PLBD1: variants seen among roughly 807,000 people sequenced by gnomAD.
PLBD1 encodes the protein lysosomal leucine aminopeptidase.
In PLBD1, 60 loss-of-function variants were observed where a neutral mutation model predicts 63.0. The observed-to-expected ratio is 0.95, with a 90% CI of 0.77 to 1.18. The LOEUF is 1.18. Among genes scored for constraint, PLBD1 ranks in the 50% most tolerant of loss-of-function variants. The pLI is 0.00. For missense variants in PLBD1, 598 were observed against 677.9 expected (o/e 0.88, Z 1.31); for synonymous variants, 262 against 248.0 (o/e 1.06, Z -0.53).
chr12:14,540,643 TA>T (rs1945564483), intron 4 of PLBD1, 120 bp downstream of exon 4: 13 of 1,112,338 alleles, frequency 1.2e-5, no homozygotes, highest in Non-Finnish European at 1.5e-5. Flanking sequence ...TTCTTTTCCG[TA>T]AGGAATTTAT....
chr12:14,511,343 CTG>C lies in PLBD1; in HGVS notation c.1101_1102del (p.His367GlnfsTer3). On this transcript the variant is annotated frameshift_variant, in exon 8 of 11. Coordinates refer to ENST00000240617, the MANE Select transcript of PLBD1 (RefSeq NM_024829.6). LOFTEE classifies it high-confidence loss of function. ...AATGTACAGAGTGCCTTTGTCAAGA[CTG>C]TGGTTCAGCTTTACTTTCTTCAGGT... 1 of 1,613,450 alleles carries C rather than the reference CTG, an allele frequency of 6.2e-7. No individual in the cohort carries two copies. Among genetic ancestry groups the C allele is most frequent in the Non-Finnish European group, 8.5e-7 (1 of 1,179,512 alleles).
At chr12:14,534,024 T>C (rs1945489404) in intron 6 of PLBD1, among the ~76,000 whole-genome samples, 1 of 152,114 alleles carries the variant, frequency 6.6e-6, no homozygotes, top group Non-Finnish European at 1.5e-5. Flanking sequence ...GATGTGTGCC[T>C]GTAGTGTCAA....
At chr12:14,567,502 G>T in intron 1 of PLBD1, 80 bp downstream of exon 1, 1 of 1,391,618 alleles carries the variant, frequency 7.2e-7, no homozygotes, top group East Asian at 3.1e-5. Context: ...ACGTCAACTC[G>T]GCCGGACGCG....
chr12:14,555,544 C>CAAAA (rs997961318), intron 1 of PLBD1, among the ~76,000 whole-genome samples: 1 of 151,942 alleles, frequency 6.6e-6, no homozygotes, highest in African/African-American at 2.4e-5. Flanking sequence ...GTCTCAAAAA[C>CAAAA]AAAAAAACAA....
chr12:14,534,775 C>A (rs1389485805), intron 6 of PLBD1, among the ~76,000 whole-genome samples: 1 of 152,180 alleles, frequency 6.6e-6, no homozygotes, highest in Non-Finnish European at 1.5e-5. Flanking sequence ...ATCTCCTGAC[C>A]TCGTGATCCG....
In PLBD1 at chr12:14,535,810, C is replaced by T. The variant is rs377502877; in HGVS notation, c.700-7G>A. The stretch of plus-strand genomic sequence containing the variant: ...TCTCAAATCCAGGAAGAACCTACAG[C>T]CAGAATCATAGTGGATTACACAGAT... On this transcript the variant is annotated splice_region_variant and splice_polypyrimidine_tract_variant and intron_variant, in intron 5 of 10. Transcript: ENST00000240617. The T allele has an allele frequency of 9.9e-6, 16 of 1,612,908 alleles. No homozygotes were observed. Among genetic ancestry groups the T allele is most frequent in the African/African-American group, 4.0e-5 (3 of 74,850 alleles).
intron 4 of PLBD1, among the ~76,000 whole-genome samples, chr12:14,538,469 C>T (rs1439830303): frequency 6.6e-6 from 1 of 152,178 alleles, no homozygotes; most frequent in Non-Finnish European, 1.5e-5. Context: ...GCTGGGATTG[C>T]AGGTGTCAGC....
chr12:14,524,552 A>C (rs1365255966), intron 6 of PLBD1, among the ~76,000 whole-genome samples: 1 of 152,244 alleles, frequency 6.6e-6, no homozygotes, highest in Non-Finnish European at 1.5e-5. Context: ...TACAGTTAAC[A>C]ATATTGTGTT....
intron 6 of PLBD1, among the ~76,000 whole-genome samples, chr12:14,519,386 C>T (rs1427922523): frequency 5.3e-5 from 8 of 151,812 alleles, no homozygotes; most frequent in African/African-American, 1.5e-4. Flanking sequence ...TTTGGGAGGC[C>T]GAGGCAGGTG....
intron 6 of PLBD1, among the ~76,000 whole-genome samples, chr12:14,519,907 A>G (rs1432090350): frequency 6.6e-6 from 1 of 152,188 alleles, no homozygotes; most frequent in East Asian, 1.9e-4. Context: ...TGGTGAGATC[A>G]AAGTCTAGTA....
chr12:14,518,869 C>T (rs1945354671), intron 6 of PLBD1, among the ~76,000 whole-genome samples: 1 of 151,802 alleles, frequency 6.6e-6, no homozygotes, highest in Non-Finnish European at 1.5e-5. Flanking sequence ...TTAGTAAAAC[C>T]TTCTAAAAGG....
intron 2 of PLBD1, among the ~76,000 whole-genome samples, chr12:14,551,290 G>C (rs919044393): frequency 2.0e-5 from 3 of 152,018 alleles, no homozygotes; most frequent in Non-Finnish European, 4.4e-5. Flanking sequence ...TTGAATCCGA[G>C]AGGCAGAGGT....
intron 8 of PLBD1, among the ~76,000 whole-genome samples, chr12:14,507,547 G>C (rs946166689): frequency 1.3e-5 from 2 of 152,224 alleles, no homozygotes; most frequent in Non-Finnish European, 2.9e-5. Flanking sequence ...TGGTAATCAT[G>C]AAGTAGTGGA....
chr12:14,561,034 CG>C (rs1842557713), intron 1 of PLBD1, among the ~76,000 whole-genome samples: 1 of 151,650 alleles, frequency 6.6e-6, no homozygotes. Flanking sequence ...ATTTCAGAGA[CG>C]CCCTGAGGTG....
chr12:14,527,770 A>T (rs1379572346), intron 6 of PLBD1, among the ~76,000 whole-genome samples: 2 of 151,968 alleles, frequency 1.3e-5, no homozygotes, highest in Non-Finnish European at 2.9e-5. Context: ...TATAACAGAT[A>T]CCTGTATGTT....
intron 2 of PLBD1, among the ~76,000 whole-genome samples, chr12:14,546,170 A>G (rs938904968): frequency 2.0e-5 from 3 of 152,062 alleles, no homozygotes; most frequent in African/African-American, 7.2e-5. Context: ...AAAAATACAA[A>G]AAGCCAGGCA....
At chr12:14,515,286 T>A (rs983344901) in intron 6 of PLBD1, among the ~76,000 whole-genome samples, 1 of 151,952 alleles carries the variant, frequency 6.6e-6, no homozygotes, top group Admixed American at 6.6e-5. Flanking sequence ...TCTGGAAAGG[T>A]AGAAGGGAGG....
chr12:14,554,839 C>G (rs2032762), intron 1 of PLBD1, among the ~76,000 whole-genome samples: 99,577 of 151,734 alleles, frequency 0.66, 33,028 homozygotes, highest in South Asian at 0.87. Context: ...TCCTCATTCT[C>G]CCCACAGGTT....
intron 6 of PLBD1, among the ~76,000 whole-genome samples, chr12:14,525,358 G>C (rs559348106): frequency 6.6e-6 from 1 of 152,172 alleles, no homozygotes; most frequent in South Asian, 2.1e-4. Context: ...CTGAAGAACA[G>C]AGAGAAAAAG....
Sources: gnomAD v4.1 joint callset for allele counts (sites outside exome capture counted in the v4.1 genomes callset) on GRCh38, gnomAD v4.1.1 for gene constraint, MANE v1.5 for transcripts, NCBI Gene and HGNC (gene_info 2026-07-23, HGNC 2026-07-21) for gene names.